The following ADAMTS2 variants were observed in gnomAD, a reference collection of about 807,000 sequenced individuals.
ADAMTS2 encodes the protein ADAM metallopeptidase with thrombospondin type 1 motif 2.
In ADAMTS2, 50 loss-of-function variants were observed where a neutral mutation model predicts 123.0. That is an observed-to-expected ratio of 0.41 (90% CI 0.32 to 0.51). ADAMTS2 has a LOEUF of 0.51. Ranked by LOEUF, ADAMTS2 falls within the 20% of genes least tolerant of loss-of-function variation. ADAMTS2 has a pLI of 0.35. For synonymous variants in ADAMTS2, 678 were observed against 695.4 expected (o/e 0.98, Z 0.39); for missense variants, 1,494 against 1,705.2 (o/e 0.88, Z 2.18).
At position 179,170,015 on chromosome 5, in the gene ADAMTS2, A is replaced by G. The variant is rs1763783200; in HGVS notation, c.975+11057T>C. On this transcript the variant is annotated intron_variant, in intron 5 of 21. Coordinates refer to ENST00000251582, the MANE Select transcript of ADAMTS2 (RefSeq NM_014244.5). This position sits in a 1 kb window ranked among gnomAD's most constrained non-coding sequence, Gnocchi z 4.3. Reference sequence around the variant, plus strand: ...GCTTTGGTACCTTCTCAAAAAATCAATTGAAAAGCCAGTTGCTATGCAACC... The same window carrying G: ...GCTTTGGTACCTTCTCAAAAAATCAGTTGAAAAGCCAGTTGCTATGCAACC... Among the ~76,000 whole-genome samples the G allele has an allele frequency of 6.6e-6, 1 of 152,244 alleles. No homozygotes were observed. Among genetic ancestry groups the G allele is most frequent in the African/African-American group, 2.4e-5 (1 of 41,468 alleles).
chr5:179,124,833 C>T (rs975407999), intron 19 of ADAMTS2, 140 bp downstream of exon 19: 11 of 1,600,350 alleles, frequency 6.9e-6, no homozygotes, highest in African/African-American at 6.7e-5. Flanking sequence ...GCTCTCAGGC[C>T]GGGCGTCATT....
intron 7 of ADAMTS2, among the ~76,000 whole-genome samples, chr5:179,154,526 C>A (rs1341538116): frequency 6.6e-6 from 1 of 152,206 alleles, no homozygotes; most frequent in Non-Finnish European, 1.5e-5. Context: ...TGGGGTAGAG[C>A]CCACCCTGCC....
chr5:179,114,000 T>G lies in ADAMTS2; in HGVS notation c.3503A>C (p.His1168Pro), dbSNP rs141541318. The G allele has an allele frequency of 1.3e-5, 21 of 1,614,080 alleles. No individual in the cohort carries two copies. Among genetic ancestry groups the G allele is most frequent in the Non-Finnish European group, 1.8e-5 (21 of 1,180,014 alleles). The change falls in exon 22 of 22, where the codon CAT becomes CCT. Residue 1168 changes from histidine to proline, a missense_variant. His to Pro is a moderately conservative substitution (Grantham distance 77). This residue lies in a region of ADAMTS2 where 953 missense variants were observed against 1,124.7 expected (regional missense o/e 0.85). Coordinates refer to ENST00000251582, the MANE Select transcript of ADAMTS2 (RefSeq NM_014244.5). ...TNAVDEPYKI[H>P]GLEDEVQPPN... ...TGGCTGGACTTCATCTTCCAGGCCA[T>G]GGATTTTGTAGGGTTCATCTACGGC...
At chr5:179,194,890 G>A (rs1314289814) in intron 4 of ADAMTS2, among the ~76,000 whole-genome samples, 1 of 152,136 alleles carries the variant, frequency 6.6e-6, no homozygotes, top group Non-Finnish European at 1.5e-5. Flanking sequence ...TAAGAGAGAG[G>A]AGTCTATCTT....
chr5:179,283,929 C>T (rs554177167), intron 2 of ADAMTS2, among the ~76,000 whole-genome samples: 73 of 145,204 alleles, frequency 5.0e-4, no homozygotes, highest in Middle Eastern at 3.6e-3. Flanking sequence ...CAAAACAAAA[C>T]AATAAATGGT....
chr5:179,266,160 CCT>C (rs1394498981), intron 3 of ADAMTS2, among the ~76,000 whole-genome samples: 3 of 152,212 alleles, frequency 2.0e-5, no homozygotes, highest in Non-Finnish European at 4.4e-5. Context: ...CAGCCAAAGC[CCT>C]CTCTCCATTC....
Position 179,277,317 on chromosome 5 carries a change from TGACACCCC to T in ADAMTS2, c.535-4261_535-4254del, listed in dbSNP as rs1561674370. Among the ~76,000 whole-genome samples the T allele has an allele frequency of 6.4e-3, 38 of 5,932 alleles. 2 individuals are homozygous for T. Among genetic ancestry groups the T allele is most frequent in the Admixed American group, 0.026 (11 of 422 alleles). The allele number at this position is 5,932 out of a possible 152,430, so 3.9% of individuals were successfully genotyped here. On this transcript the variant is annotated intron_variant, in intron 2 of 21. Transcript: ENST00000251582. Reference sequence around the variant, plus strand: ...TGGCACCTGCCCCGAGACCAAAGGCTGACACCCCGAGACCAAAGGCTGACCCCCCTGAG... The same window carrying T: ...TGGCACCTGCCCCGAGACCAAAGGCTGAGACCAAAGGCTGACCCCCCTGAG...
chr5:179,291,266 C>T (rs1406840298), intron 2 of ADAMTS2, among the ~76,000 whole-genome samples: 1 of 152,220 alleles, frequency 6.6e-6, no homozygotes, highest in East Asian at 1.9e-4. Context: ...TGTGGGGCCA[C>T]CTCCGGGCTC....
In ADAMTS2 at chr5:179,137,788, C is replaced by A. The variant is rs1407855197; in HGVS notation, c.1932G>T (p.Leu644=). The A allele has an allele frequency of 6.4e-7, 1 of 1,554,644 alleles. No homozygotes were observed. The highest frequency in any genetic ancestry group is 8.7e-7 in the Non-Finnish European group (1 of 1,152,414). ...GCTCACCATCCCGGTGCTCGTGGGG[C>A]AGCCAGTGGTGCTGGGCGTCGCCGT... The part of the protein sequence containing the change: ...FEHGDAQHHW[L]PHEHRDAKER... The change falls in exon 12 of 22, where the codon CTG becomes CTT. Residue 644 remains leucine (L), a synonymous_variant. Coordinates refer to ENST00000251582, the MANE Select transcript of ADAMTS2 (RefSeq NM_014244.5).
rs114521549 is a variant in ADAMTS2, at chr5:179,297,927, G to A, written c.535-24863C>T. On this transcript the variant is annotated intron_variant, in intron 2 of 21. Coordinates refer to ENST00000251582, the MANE Select transcript of ADAMTS2 (RefSeq NM_014244.5). Reference sequence around the variant, plus strand: ...GCCACAGGACCTCCCTTCCCTCACAGCCCTTCTCAGCAGGCTGGCCTCTGC... The same window carrying A: ...GCCACAGGACCTCCCTTCCCTCACAACCCTTCTCAGCAGGCTGGCCTCTGC... 1.9e-3 allele frequency among the ~76,000 whole-genome samples: 292 copies of A among 152,154 alleles called. 1 individual carries two copies. Among genetic ancestry groups the A allele is most frequent in the Non-Finnish European group, 3.1e-3 (208 of 67,976 alleles).
At chr5:179,344,781 G>GC (rs1757892774) in intron 1 of ADAMTS2, among the ~76,000 whole-genome samples, 1 of 152,180 alleles carries the variant, frequency 6.6e-6, no homozygotes, top group Non-Finnish European at 1.5e-5. Context: ...CCTGCGGGGC[G>GC]CCCCAACCAA....
intron 3 of ADAMTS2, among the ~76,000 whole-genome samples, chr5:179,229,059 G>C (rs955298954): frequency 6.6e-6 from 1 of 152,086 alleles, no homozygotes; most frequent in African/African-American, 2.4e-5. Flanking sequence ...TGTGCACCTC[G>C]GTCAGGCCAC....
At chr5:179,220,446 G>A (rs755728352) in intron 3 of ADAMTS2, among the ~76,000 whole-genome samples, 6 of 152,098 alleles carry the variant, frequency 3.9e-5, no homozygotes, top group East Asian at 1.9e-4. Flanking sequence ...ATTGCTCCCC[G>A]GAAGGCCTCA....
rs541555304 is a variant in ADAMTS2 at position 179,187,028 on chromosome 5, T to C, written c.892-5873A>G. On this transcript the variant is annotated intron_variant, in intron 4 of 21. Coordinates refer to ENST00000251582, the MANE Select transcript of ADAMTS2 (RefSeq NM_014244.5). ...TGGCTTCTCCATGCGTCACTTCAGA[T>C]ACCTCCCCACATGGCACCCTTGCTC... Among the ~76,000 whole-genome samples the C allele has an allele frequency of 7.2e-5, 11 of 152,180 alleles. No homozygotes were observed. The South Asian group carries it at 2.1e-3, about 29-fold the overall frequency.
chr5:179,270,816 G>A (rs1391905399), intron 3 of ADAMTS2, among the ~76,000 whole-genome samples: 2 of 152,176 alleles, frequency 1.3e-5, no homozygotes, highest in Admixed American at 6.5e-5. Flanking sequence ...CTGAAGGCCC[G>A]AGCCCCTCAT....
At position 179,243,035 on chromosome 5, in the gene ADAMTS2, C is replaced by T. The variant is rs145526948; in HGVS notation, c.688+29876G>A. 1.2e-4 allele frequency among the ~76,000 whole-genome samples: 19 copies of T among 152,174 alleles called. No individual in the cohort carries two copies. The East Asian group carries it at 2.7e-3, about 22-fold the overall frequency. ...AAACCAAGAAGATCAGAGGCTACCTCCTGCCCAATACCTGGAGTGGTGGCT... is the reference window on the plus strand; with the variant it reads ...AAACCAAGAAGATCAGAGGCTACCTTCTGCCCAATACCTGGAGTGGTGGCT... On this transcript the variant is annotated intron_variant, in intron 3 of 21. Coordinates refer to ENST00000251582, the MANE Select transcript of ADAMTS2 (RefSeq NM_014244.5).
Position 179,245,532 on chromosome 5 carries a change from C to T in ADAMTS2, c.688+27379G>A, listed in dbSNP as rs895271415. Among the ~76,000 whole-genome samples, 21 of 148,980 alleles carry T rather than the reference C, an allele frequency of 1.4e-4. 1 individual carries two copies. Among genetic ancestry groups the T allele is most frequent in the African/African-American group, 4.1e-4 (16 of 39,326 alleles). On this transcript the variant is annotated intron_variant, in intron 3 of 21. Coordinates refer to ENST00000251582, the MANE Select transcript of ADAMTS2 (RefSeq NM_014244.5). ...CTGTAATCCCAGCACTTTGGGAGGC[C>T]GAGGCAGGCGGATCACGAGGTCAGG...
At chr5:179,331,335 G>A (rs1307188808) in intron 2 of ADAMTS2, among the ~76,000 whole-genome samples, 1 of 123,186 alleles carries the variant, frequency 8.1e-6, no homozygotes, top group African/African-American at 3.2e-5. Flanking sequence ...AGGGAGGGGA[G>A]TGGGAAAAAG....
At chr5:179,330,551 C>T (rs1757454850) in intron 2 of ADAMTS2, among the ~76,000 whole-genome samples, 1 of 152,254 alleles carries the variant, frequency 6.6e-6, no homozygotes, top group African/African-American at 2.4e-5. Flanking sequence ...GCAACTCTGG[C>T]AACCTGACTG....
Sources: allele counts gnomAD v4.1 joint callset (sites outside exome capture counted in the v4.1 genomes callset), GRCh38; gene constraint gnomAD v4.1.1; regional missense constraint gnomAD v4.1.1; non-coding constraint Gnocchi (gnomAD v3.1); transcripts MANE v1.5; gene names NCBI Gene and HGNC (gene_info 2026-07-23, HGNC 2026-07-21).